The following PLEKHB2 variants were observed in gnomAD, a reference collection of about 807,000 sequenced individuals.
The protein encoded by PLEKHB2 is pleckstrin homology domain-containing family B member 2.
PLEKHB2 carries 31 observed loss-of-function variants against 36.5 expected under a neutral mutation model. The observed-to-expected ratio is 0.85, with a 90% CI of 0.64 to 1.15. The LOEUF (loss-of-function observed/expected upper bound fraction) is 1.15. PLEKHB2 is among the 50% of genes most tolerant of loss of function. PLEKHB2 has a pLI of 0.00. For missense variants in PLEKHB2, 262 were observed against 295.3 expected (o/e 0.89, Z 0.83); for synonymous variants, 119 against 112.0 (o/e 1.06, Z -0.39).
At chr2:131,145,608 T>G (rs1340531575) in intron 7 of PLEKHB2, among the ~76,000 whole-genome samples, 1 of 152,170 alleles carries the variant, frequency 6.6e-6, no homozygotes, top group Non-Finnish European at 1.5e-5. Flanking sequence ...GTGCTGGCAT[T>G]ACAGGTGTGA....
chr2:131,125,714 T>TAAAA, intron 2 of PLEKHB2, 39 bp from the exon 3 acceptor site: 11 of 1,338,902 alleles, frequency 8.2e-6, no homozygotes, highest in East Asian at 2.6e-5. Flanking sequence ...AGACTGTCTC[T>TAAAA]AAAAAAAAAA....
At chr2:131,126,874 A>C (rs1171500851) in intron 4 of PLEKHB2, 88 bp downstream of exon 4, 7 of 768,342 alleles carry the variant, frequency 9.1e-6, no homozygotes, top group Non-Finnish European at 1.3e-5. Flanking sequence ...AAGGGCGTGG[A>C]GTTTTCTTTC....
rs1465868324 is a variant in PLEKHB2, at chr2:131,148,401, A to G, written c.*1628A>G. 2 of 152,178 alleles carry G rather than the reference A, an allele frequency of 1.3e-5. No individual in the cohort carries two copies. Among genetic ancestry groups the G allele is most frequent in the African/African-American group, 4.8e-5 (2 of 41,438 alleles). 9.4% of individuals were successfully genotyped at this position (152,178 alleles called of 1,614,324 possible). On this transcript the variant is annotated 3_prime_UTR_variant, in exon 8 of 8. Coordinates refer to ENST00000693505, the MANE Select transcript of PLEKHB2 (RefSeq NM_001100623.2). Reference sequence around the variant, plus strand: ...TTGTTTTCAAGCTCTGAATTATTGCAGTTTTCTGTCCTGCATGCTTTCAAC... The same window carrying G: ...TTGTTTTCAAGCTCTGAATTATTGCGGTTTTCTGTCCTGCATGCTTTCAAC...
At chr2:131,133,070 T>C in intron 6 of PLEKHB2, 79 bp downstream of exon 6, 1 of 912,474 alleles carries the variant, frequency 1.1e-6, no homozygotes, top group Admixed American at 2.1e-5. Flanking sequence ...TTTTTTTAAA[T>C]GAAATTAGAA....
chr2:131,109,249 AT>A (rs994673321), intron 1 of PLEKHB2, among the ~76,000 whole-genome samples: 6 of 152,212 alleles, frequency 3.9e-5, no homozygotes, highest in African/African-American at 1.4e-4. Context: ...TCTCTCCCCA[AT>A]TTAAAAACGA....
At position 131,148,450 on chromosome 2, in the gene PLEKHB2, T is replaced by C. The variant is rs1475959963; in HGVS notation, c.*1677T>C. The C allele has an allele frequency of 6.6e-6, 1 of 152,242 alleles. No homozygotes were observed. Among genetic ancestry groups the C allele is most frequent in the Non-Finnish European group, 1.5e-5 (1 of 68,042 alleles). 9.4% of individuals were successfully genotyped at this position (152,242 alleles called of 1,614,324 possible). On this transcript the variant is annotated 3_prime_UTR_variant, in exon 8 of 8. Transcript: ENST00000693505. ...ACAGTGTGCTTTTACAGTGGCAGTTTAGCACAGCGAATGTCCCTGCCCCAC... is the reference window on the plus strand; with the variant it reads ...ACAGTGTGCTTTTACAGTGGCAGTTCAGCACAGCGAATGTCCCTGCCCCAC...
intron 1 of PLEKHB2, among the ~76,000 whole-genome samples, chr2:131,117,601 G>A (rs1193486673): frequency 6.6e-6 from 1 of 152,036 alleles, no homozygotes; most frequent in African/African-American, 2.4e-5. Context: ...GTAATTTTTA[G>A]CCTGTTCTCA....
At chr2:131,129,324 C>CAAAAAAAA (rs1168039416) in intron 4 of PLEKHB2, among the ~76,000 whole-genome samples, 5 of 49,986 alleles carry the variant, frequency 1.0e-4, no homozygotes, top group Admixed American at 4.0e-4. Context: ...GACTCCATCT[C>CAAAAAAAA]AAAAAAAAAA....
intron 1 of PLEKHB2, among the ~76,000 whole-genome samples, chr2:131,108,894 C>T (rs76113560): frequency 0.018 from 2,692 of 152,288 alleles, 75 homozygotes; most frequent in African/African-American, 0.058. Context: ...CCCAATTTTC[C>T]GAACATCCTG....
At chr2:131,119,919 GAAGGA>G (rs1696303714) in intron 1 of PLEKHB2, among the ~76,000 whole-genome samples, 1 of 151,022 alleles carries the variant, frequency 6.6e-6, no homozygotes, top group African/African-American at 2.4e-5. Context: ...CTTTGTAAGT[GAAGGA>G]AATAAGCTCC....
At chr2:131,126,005 T>C in intron 3 of PLEKHB2, 100 bp downstream of exon 3, 1 of 1,177,740 alleles carries the variant, frequency 8.5e-7, no homozygotes, top group Non-Finnish European at 1.2e-6. Context: ...CATTAACAGA[T>C]TGAAGAAGGG....
chr2:131,121,489 C>G (rs1464980864), intron 2 of PLEKHB2, among the ~76,000 whole-genome samples: 1 of 152,126 alleles, frequency 6.6e-6, no homozygotes, highest in Non-Finnish European at 1.5e-5. Context: ...CTCAGGTGAT[C>G]TGCCCACCTG....
At chr2:131,132,709 T>TG (rs1482176838) in intron 5 of PLEKHB2, among the ~76,000 whole-genome samples, 193 bp from the exon 6 acceptor site, 2 of 152,218 alleles carry the variant, frequency 1.3e-5, no homozygotes, top group Non-Finnish European at 2.9e-5. Flanking sequence ...ACTTTGCTCT[T>TG]GCATTTAGAG....
intron 7 of PLEKHB2, among the ~76,000 whole-genome samples, chr2:131,142,308 A>G (rs901947571): frequency 6.6e-6 from 1 of 152,234 alleles, no homozygotes; most frequent in Non-Finnish European, 1.5e-5. Flanking sequence ...CTTCCTCCAT[A>G]TAAAATATTT....
chr2:131,133,308 T>C (rs1373750812), intron 6 of PLEKHB2, among the ~76,000 whole-genome samples: 1 of 152,222 alleles, frequency 6.6e-6, no homozygotes, highest in Non-Finnish European at 1.5e-5. Flanking sequence ...TGAATTCTCC[T>C]TATAGTCAGA....
intron 6 of PLEKHB2, among the ~76,000 whole-genome samples, chr2:131,137,335 T>C (rs1308677019): frequency 1.3e-5 from 2 of 152,216 alleles, no homozygotes; most frequent in African/African-American, 2.4e-5. Flanking sequence ...TTGGGCAGCA[T>C]TGGTTCTCCT....
At chr2:131,142,231 TTTC>T (rs1698862289) in intron 7 of PLEKHB2, among the ~76,000 whole-genome samples, 1 of 152,222 alleles carries the variant, frequency 6.6e-6, no homozygotes, top group South Asian at 2.1e-4. Context: ...AATCCATTCT[TTTC>T]TTCTTATCAA....
chr2:131,142,842 C>T (rs1698928591), intron 7 of PLEKHB2, among the ~76,000 whole-genome samples: 1 of 152,090 alleles, frequency 6.6e-6, no homozygotes, highest in African/African-American at 2.4e-5. Context: ...AGGTGTGAGC[C>T]ACCGTGCCTG....
intron 2 of PLEKHB2, among the ~76,000 whole-genome samples, chr2:131,123,390 C>T (rs1417654784): frequency 6.6e-6 from 1 of 152,194 alleles, no homozygotes; most frequent in African/African-American, 2.4e-5. Context: ...ACTGTTGGGA[C>T]CCAGTCCTGG....
Sources: gnomAD v4.1 joint callset for allele counts (sites outside exome capture counted in the v4.1 genomes callset) on GRCh38, gnomAD v4.1.1 for gene constraint, MANE v1.5 for transcripts, NCBI Gene and HGNC (gene_info 2026-07-23, HGNC 2026-07-21) for gene names.